The following PCSK1 variants were observed in gnomAD, a reference collection of about 807,000 sequenced individuals.
PCSK1 encodes the protein neuroendocrine convertase 1.
In PCSK1, 56 loss-of-function variants were observed where a neutral mutation model predicts 90.6. That is an observed-to-expected ratio of 0.62 (90% CI 0.50 to 0.77). The LOEUF (loss-of-function observed/expected upper bound fraction) is 0.77. PCSK1 is among the 30% of genes least tolerant of loss of function. PCSK1 has a pLI of 0.00. For missense variants in PCSK1, 801 were observed against 932.6 expected (o/e 0.86, Z 1.84); for synonymous variants, 348 against 342.4 (o/e 1.02, Z -0.18).
intron 9 of PCSK1, among the ~76,000 whole-genome samples, chr5:96,406,683 A>G (rs1760579504): frequency 6.6e-6 from 1 of 152,222 alleles, no homozygotes; most frequent in African/African-American, 2.4e-5. Flanking sequence ...AAAGGCCAAG[A>G]TATTTTTCCT....
intron 2 of PCSK1, 38 bp from the exon 3 acceptor site, chr5:96,425,968 A>G (rs1471779129): frequency 6.9e-6 from 8 of 1,154,444 alleles, no homozygotes; most frequent in South Asian, 2.5e-5. Flanking sequence ...CAAAAGTCAA[A>G]TATCTACCTC....
At chr5:96,401,970 C>T (rs271926) in intron 9 of PCSK1, among the ~76,000 whole-genome samples, 50,366 of 152,044 alleles carry the variant, frequency 0.33, 8,688 homozygotes, top group Admixed American at 0.43. Context: ...TTTTCCTCGA[C>T]TTTGAGACCT....
At chr5:96,432,268 C>T in intron 1 of PCSK1, 1 of 725,230 alleles carries the variant, frequency 1.4e-6, no homozygotes, top group South Asian at 1.8e-5. Context: ...CATTTCTCCC[C>T]CCAGCTTCCC....
intron 6 of PCSK1, among the ~76,000 whole-genome samples, chr5:96,412,752 GTTTTTTT>G (rs57397343): frequency 2.4e-4 from 17 of 71,808 alleles, no homozygotes; most frequent in African/African-American, 1.4e-3. Flanking sequence ...CAGCTGTGAT[GTTTTTTT>G]TTTTTTTTTT....
At chr5:96,408,442 G>A (rs755544365) in intron 8 of PCSK1, 119 bp from the exon 9 acceptor site, 20 of 731,986 alleles carry the variant, frequency 2.7e-5, no homozygotes, top group Non-Finnish European at 4.1e-5. Flanking sequence ...CAGCTGATTC[G>A]ATTGCCTACT....
At position 96,392,275 on chromosome 5, in the gene PCSK1, G is replaced by C. The variant is rs1008106778; in HGVS notation, c.*726C>G. 1.1e-4 allele frequency: 17 copies of C among 152,182 alleles called. No individual in the cohort carries two copies. Among genetic ancestry groups the C allele is most frequent in the African/African-American group, 4.1e-4 (17 of 41,488 alleles). The allele number at this position is 152,182 out of a possible 1,614,324, so 9.4% of individuals were successfully genotyped here. A position where few individuals can be genotyped will look rare whatever the true frequency, so the allele number is the denominator to read the frequency against. Reference sequence around the variant, plus strand: ...TAGAAAACTTTCAGAAGGAGAAACAGAGGAAAGACCAGGCATGCAGCACGA... The same window carrying C: ...TAGAAAACTTTCAGAAGGAGAAACACAGGAAAGACCAGGCATGCAGCACGA... On this transcript the variant is annotated 3_prime_UTR_variant, in exon 14 of 14. Coordinates refer to ENST00000311106, the MANE Select transcript of PCSK1 (RefSeq NM_000439.5).
Position 96,411,032 on chromosome 5 carries a change from G to C in PCSK1, c.883-46C>G, listed in dbSNP as rs754654365. 34 of 1,362,866 alleles carry C rather than the reference G, an allele frequency of 2.5e-5. No homozygotes were observed. The Admixed American group carries it at 4.0e-4, about 16-fold the overall frequency. The allele number at this position is 1,362,866 out of a possible 1,614,324, so 84.4% of individuals were successfully genotyped here. On this transcript the variant is annotated intron_variant, in intron 7 of 13. Coordinates refer to ENST00000311106, the MANE Select transcript of PCSK1 (RefSeq NM_000439.5). ...CATATTATCTGTTATCATCTATTGG[G>C]GTCATTGTTATATCCCAATAAAATC...
intron 2 of PCSK1, among the ~76,000 whole-genome samples, chr5:96,426,516 A>G (rs937507572): frequency 2.6e-5 from 4 of 152,188 alleles, no homozygotes; most frequent in Non-Finnish European, 5.9e-5. Flanking sequence ...AATGAGCACT[A>G]CTGACCACGC....
intron 3 of PCSK1, 71 bp downstream of exon 3, chr5:96,425,749 G>T: frequency 1.4e-5 from 11 of 810,628 alleles, no homozygotes; most frequent in African/African-American, 1.7e-5. Context: ...AAAAATCCAT[G>T]TTGCAAATGT....
At chr5:96,402,732 T>G (rs2112405244) in intron 9 of PCSK1, among the ~76,000 whole-genome samples, 1 of 152,168 alleles carries the variant, frequency 6.6e-6, no homozygotes, top group East Asian at 1.9e-4. Flanking sequence ...ATTTTTGGCT[T>G]GTTGAATTAA....
intron 13 of PCSK1, among the ~76,000 whole-genome samples, chr5:96,394,409 A>C (rs1760059929): frequency 1.3e-5 from 2 of 152,192 alleles, no homozygotes; most frequent in Non-Finnish European, 2.9e-5. Flanking sequence ...AATTAATAAA[A>C]AGAAGCCTAC....
At position 96,433,123 on chromosome 5, in the gene PCSK1, C is replaced by G; in HGVS notation, c.-81G>C. The G allele has an allele frequency of 1.5e-6, 2 of 1,325,672 alleles. No homozygotes were observed. Among genetic ancestry groups the G allele is most frequent in the Non-Finnish European group, 2.2e-6 (2 of 920,888 alleles). The allele number at this position is 1,325,672 out of a possible 1,614,324, so 82.1% of individuals were successfully genotyped here. ...TAGGAGAAAAGCCAGACAGACTCCC[C>G]CTTCCCACCCTCGGGCTCTAGACCA... On this transcript the variant is annotated 5_prime_UTR_variant, in exon 1 of 14. Transcript: ENST00000311106.
Position 96,432,956 on chromosome 5 carries a change from C to T in PCSK1, c.87G>A (p.Arg29=), listed in dbSNP as rs747325979. Residue 29 remains arginine (R), a synonymous_variant, in exon 1 of 14, where the codon AGG becomes AGA. Coordinates refer to ENST00000311106, the MANE Select transcript of PCSK1 (RefSeq NM_000439.5). ...WCALNSAKAK[R]QFVNEWAAEI... is the part of the protein sequence containing the mutation. ...CCGCTGCCCATTCATTGACAAATTG[C>T]CTTTTCGCTTTTGCACTGTTCAGTG... is the stretch of plus-strand genomic sequence containing the variant. The T allele has an allele frequency of 2.5e-6, 4 of 1,614,236 alleles. No individual in the cohort carries two copies. The highest frequency in any genetic ancestry group is 3.3e-5 in the Admixed American group (2 of 60,030).
In PCSK1 at chr5:96,432,207, G is replaced by A. The variant is rs1445685340; in HGVS notation, c.180+656C>T. On this transcript the variant is annotated intron_variant, in intron 1 of 13. Transcript: ENST00000311106. ...CTTTATAAGTTCCCAGTGAAAAGCC[G>A]GAGCTCCCTAGAGAGTCGCGGGGAT... The A allele has an allele frequency of 3.6e-5, 47 of 1,321,256 alleles. No homozygotes were observed. In the South Asian group the frequency reaches 5.3e-4, roughly 15 times the overall value. The allele number at this position is 1,321,256 out of a possible 1,614,324, so 81.8% of individuals were successfully genotyped here. A position where few individuals can be genotyped will look rare whatever the true frequency, so the allele number is the denominator to read the frequency against.
chr5:96,404,340 CA>C (rs1760485372), intron 9 of PCSK1, among the ~76,000 whole-genome samples: 1 of 152,200 alleles, frequency 6.6e-6, no homozygotes, highest in Admixed American at 6.5e-5. Flanking sequence ...TAGGCAGATA[CA>C]AGGTCTGAAT....
At chr5:96,397,302 G>A in intron 12 of PCSK1, 34 bp downstream of exon 12, 1 of 1,596,870 alleles carries the variant, frequency 6.3e-7, no homozygotes, top group Non-Finnish European at 8.6e-7. Context: ...TTAAAAGTAA[G>A]CTTGTGTTTT....
chr5:96,420,487 G>A (rs1761088517), intron 5 of PCSK1, among the ~76,000 whole-genome samples: 1 of 152,070 alleles, frequency 6.6e-6, no homozygotes, highest in Non-Finnish European at 1.5e-5. Context: ...GGATATTTGC[G>A]GTTAACCCCT....
rs1760016966 is a variant in PCSK1 at position 96,393,291 on chromosome 5, A to G, written c.1972T>C (p.Leu658=). 4 of 1,613,948 alleles carry G rather than the reference A, an allele frequency of 2.5e-6. No homozygotes were observed. Among genetic ancestry groups the G allele is most frequent in the Non-Finnish European group, 3.4e-6 (4 of 1,179,952 alleles). Residue 658 remains leucine (L), a synonymous_variant, in exon 14 of 14, where the codon TTG becomes CTG. Transcript: ENST00000311106. The part of the protein sequence containing the change: ...SSSVGGRRDE[L]EEGAPSQAML... ...GCCTGGGAAGGGGCTCCCTCCTCCA[A>G]CTCATCCCTCCGGCCCCCTACGCTG...
intron 9 of PCSK1, among the ~76,000 whole-genome samples, chr5:96,407,281 G>A (rs1760605631): frequency 6.6e-6 from 1 of 152,008 alleles, no homozygotes; most frequent in African/African-American, 2.4e-5. Flanking sequence ...TGTGAACCAA[G>A]GCCATAAAAC....
Sources: allele counts gnomAD v4.1 joint callset (sites outside exome capture counted in the v4.1 genomes callset), GRCh38; gene constraint gnomAD v4.1.1; transcripts MANE v1.5; gene names NCBI Gene and HGNC (gene_info 2026-07-23, HGNC 2026-07-21).